KNDC1: variants seen among roughly 807,000 people sequenced by gnomAD.
KNDC1 encodes kinase non-catalytic C-lobe domain containing 1.
In KNDC1, 106 loss-of-function variants were observed where a neutral mutation model predicts 172.8. The ratio of observed to expected loss-of-function variants is 0.61; its 90% CI spans 0.52 to 0.72. The LOEUF (loss-of-function observed/expected upper bound fraction) is 0.72, where lower values mean the gene tolerates loss of function less well. Ranked by LOEUF, KNDC1 falls within the 30% of genes least tolerant of loss-of-function variation. The probability of loss-of-function intolerance (pLI) is 0.00; values close to 1 mark genes in which losing one functional copy is unlikely to be tolerated. For missense variants in KNDC1, 2,325 were observed against 2,394.5 expected (o/e 0.97, Z 0.61); for synonymous variants, 1,083 against 1,062.2 (o/e 1.02, Z -0.38).
chr10:133,216,140 C>T (rs916547352), intron 26 of KNDC1, among the ~76,000 whole-genome samples: 4 of 152,206 alleles, frequency 2.6e-5, no homozygotes, highest in African/African-American at 9.6e-5. Context: ...AAAATTCGAG[C>T]ACAGAGGGCA....
chr10:133,171,494 A>T lies in KNDC1; in HGVS notation c.360+3182A>T, dbSNP rs142321051. On this transcript the variant is annotated intron_variant, in intron 3 of 29. Transcript: ENST00000304613. ...ACTCTGTTGCCCAGGCTGGTCTTGA[A>T]CTCCTGCCTTCAAGTGATCCTCTCC... is the stretch of plus-strand genomic sequence containing the variant. Among the ~76,000 whole-genome samples, 817 of 150,918 alleles carry T rather than the reference A, an allele frequency of 5.4e-3. 10 individuals are homozygous for T. Among genetic ancestry groups the T allele is most frequent in the African/African-American group, 0.019 (775 of 41,066 alleles).
At chr10:133,201,927 TG>T in intron 17 of KNDC1, 29 bp downstream of exon 17, 2 of 1,518,672 alleles carry the variant, frequency 1.3e-6, no homozygotes, top group Middle Eastern at 1.7e-4. Context: ...CACTGCCGGG[TG>T]GGGCAGGGCG....
At chr10:133,184,376 C>T (rs1304205061) in intron 5 of KNDC1, among the ~76,000 whole-genome samples, 2 of 151,174 alleles carry the variant, frequency 1.3e-5, no homozygotes, top group African/African-American at 4.9e-5. Context: ...CATGCACACA[C>T]ACATGCTGCG....
Position 133,200,375 on chromosome 10 carries a change from C to A in KNDC1, c.2904C>A (p.Ser968Arg). The change falls in exon 16 of 30, where the codon AGC becomes AGA. Residue 968 changes from serine (S) to arginine (R), a missense_variant and splice_region_variant. Transcript: ENST00000304613. ...GACTGACCTGCATTCTCGTCGTCAG[C>A]ACGGCCGAGGAGGCTGGGTCACAGC... is the stretch of plus-strand genomic sequence containing the variant. ...VVNGQASPSP[S>R]TAEEAGSQLE... 1.3e-6 allele frequency: 2 copies of A among 1,586,172 alleles called. No individual in the cohort carries two copies. Among genetic ancestry groups the A allele is most frequent in the South Asian group, 1.1e-5 (1 of 87,470 alleles).
At position 133,211,521 on chromosome 10, in the gene KNDC1, T is replaced by G. The variant is rs753588230; in HGVS notation, c.4008T>G (p.Pro1336=). The part of the protein sequence containing the change: ...WVEDCYAVDF[P]RNSGLLGKLE... ...AGGACTGCTACGCTGTGGACTTCCC[T>G]CGGAACAGCGGGCTGCTGGGGAAGC... is the stretch of plus-strand genomic sequence containing the variant. Residue 1336 remains proline, a synonymous_variant, in exon 22 of 30, where the codon CCT becomes CCG. Coordinates refer to ENST00000304613, the MANE Select transcript of KNDC1 (RefSeq NM_152643.8). 131 of 1,613,812 alleles carry G rather than the reference T, an allele frequency of 8.1e-5. No homozygotes were observed. The highest frequency in any genetic ancestry group is 1.1e-4 in the Non-Finnish European group (128 of 1,179,904).
chr10:133,202,466 G>A (rs1478393221), intron 17 of KNDC1: 1 of 395,074 alleles, frequency 2.5e-6, no homozygotes, highest in Admixed American at 2.9e-5. Flanking sequence ...GCAGAGCTCT[G>A]GACGCAAGGT....
chr10:133,168,469 C>T (rs529034617), intron 3 of KNDC1, among the ~76,000 whole-genome samples, 157 bp downstream of exon 3: 15 of 152,198 alleles, frequency 9.9e-5, no homozygotes, highest in Middle Eastern at 6.8e-3. Context: ...GCTATAGGGA[C>T]GGCCTCTGGG....
chr10:133,222,094 C>T (rs71503785), intron 29 of KNDC1, among the ~76,000 whole-genome samples: 42,890 of 130,062 alleles, frequency 0.33, 11,328 homozygotes, highest in Middle Eastern at 0.49. Flanking sequence ...CCAGCCTGGC[C>T]AACATGGTGA....
chr10:133,191,077 G>A (rs535567299), intron 9 of KNDC1, among the ~76,000 whole-genome samples: 3 of 152,302 alleles, frequency 2.0e-5, no homozygotes, highest in South Asian at 4.1e-4. Flanking sequence ...GGTGACTCAC[G>A]CCTGTAATTC....
intron 6 of KNDC1, 68 bp from the exon 7 acceptor site, chr10:133,188,471 A>G (rs1853981835): frequency 2.0e-6 from 2 of 1,013,804 alleles, no homozygotes; most frequent in Admixed American, 2.1e-5. Context: ...TCCCCCGGAC[A>G]TGCCTCTCCA....
intron 24 of KNDC1, 42 bp downstream of exon 24, chr10:133,212,964 G>A (rs771748704): frequency 1.2e-4 from 189 of 1,564,208 alleles, no homozygotes; most frequent in Admixed American, 1.8e-4. Flanking sequence ...CCTGCGAGTC[G>A]GGGCCCCAGA....
At position 133,204,395 on chromosome 10, in the gene KNDC1, A is replaced by C. The variant is rs1854465850; in HGVS notation, c.3388-2290A>C. The stretch of plus-strand genomic sequence containing the variant: ...AGGCAGCCACGGCAGCCTGCAGCTC[A>C]GTGTGGGAGGCAGGGTCGCACTTGG... On this transcript the variant is annotated intron_variant, in intron 17 of 29. Coordinates refer to ENST00000304613, the MANE Select transcript of KNDC1 (RefSeq NM_152643.8). Among the ~76,000 whole-genome samples, 3 of 152,186 alleles carry C rather than the reference A, an allele frequency of 2.0e-5. No homozygotes were observed. In the South Asian group the frequency reaches 6.2e-4, roughly 31 times the overall value.
rs1854302891 is a variant in KNDC1, at chr10:133,199,517, GAGA to G, written c.2821_2823del (p.Lys941del). Reference sequence around the variant, plus strand: ...TGCCACTTTCTGTGGCGCCATTTCCGAGAAGTTCTGTGACCTGTACTGGGATGA... The same window carrying G: ...TGCCACTTTCTGTGGCGCCATTTCCGAGTTCTGTGACCTGTACTGGGATGA... On this transcript the variant is annotated inframe_deletion, in exon 15 of 30. Coordinates refer to ENST00000304613, the MANE Select transcript of KNDC1 (RefSeq NM_152643.8). 1.9e-6 allele frequency: 3 copies of G among 1,613,904 alleles called. No individual in the cohort carries two copies. The highest frequency in any genetic ancestry group is 2.5e-6 in the Non-Finnish European group (3 of 1,179,978).
At chr10:133,214,386 C>T (rs1406956196) in intron 26 of KNDC1, among the ~76,000 whole-genome samples, 1 of 152,224 alleles carries the variant, frequency 6.6e-6, no homozygotes, top group East Asian at 1.9e-4. Flanking sequence ...TCCACGGCCA[C>T]TTCCACAGCC....
chr10:133,193,853 G>C (rs538615083), intron 9 of KNDC1, among the ~76,000 whole-genome samples: 12 of 152,150 alleles, frequency 7.9e-5, no homozygotes, highest in African/African-American at 2.9e-4. Flanking sequence ...ACAATAAAGG[G>C]TCAGTCCGCC....
At chr10:133,202,808 A>G in intron 17 of KNDC1, 1 of 383,108 alleles carries the variant, frequency 2.6e-6, no homozygotes, top group Non-Finnish European at 5.2e-6. Flanking sequence ...GCCACGTGAA[A>G]GACCCGCATG....
Position 133,225,090 on chromosome 10 carries a change from G to C in KNDC1, c.*200G>C. 2 of 590,364 alleles carry C rather than the reference G, an allele frequency of 3.4e-6. No individual in the cohort carries two copies. The highest frequency in any genetic ancestry group is 4.0e-5 in the South Asian group (2 of 50,160). The allele number at this position is 590,364 out of a possible 1,614,324, so 36.6% of individuals were successfully genotyped here. ...GGTCTCCTCCCAGCAGACGGAGCCA[G>C]GACGGGCACAAGAGTCTTGGAGGTT... On this transcript the variant is annotated 3_prime_UTR_variant, in exon 30 of 30. Coordinates refer to ENST00000304613, the MANE Select transcript of KNDC1 (RefSeq NM_152643.8).
intron 29 of KNDC1, among the ~76,000 whole-genome samples, chr10:133,223,030 T>A (rs1845640979): frequency 7.3e-5 from 2 of 27,466 alleles, no homozygotes; most frequent in Non-Finnish European, 6.7e-5. Flanking sequence ...TGTGTGTGTG[T>A]GAGAGCCCAT....
chr10:133,178,653 C>T (rs1445062496), intron 3 of KNDC1, among the ~76,000 whole-genome samples: 1 of 152,202 alleles, frequency 6.6e-6, no homozygotes, highest in African/African-American at 2.4e-5. Flanking sequence ...ACACACCTGG[C>T]TGCCTCTGTG....
Sources: gnomAD v4.1 joint callset for allele counts (sites outside exome capture counted in the v4.1 genomes callset) on GRCh38, gnomAD v4.1.1 for gene constraint, MANE v1.5 for transcripts, NCBI Gene and HGNC (gene_info 2026-07-23, HGNC 2026-07-21) for gene names.